The following ITFG1 variants were observed in gnomAD, a reference collection of about 807,000 sequenced individuals.
The protein encoded by ITFG1 is integrin alpha FG-GAP repeat containing 1, also known as T-cell immunomodulatory protein.
A neutral mutation model predicts 81.8 loss-of-function variants in ITFG1; 34 were observed. That is an observed-to-expected ratio of 0.42 (90% confidence interval 0.32 to 0.55). The LOEUF (loss-of-function observed/expected upper bound fraction) is 0.55. Ranked by LOEUF, ITFG1 falls within the 20% of genes least tolerant of loss-of-function variation. The pLI, the probability that ITFG1 is intolerant of heterozygous loss-of-function variation, is 0.17. For synonymous variants in ITFG1, 285 were observed against 270.6 expected, an observed-to-expected ratio of 1.05 and a Z score of -0.52; for missense variants, 672 against 755.4, an observed-to-expected ratio of 0.89 and a Z score of 1.29.
chr16:47,351,368 G>A (rs545227026), intron 8 of ITFG1, among the ~76,000 whole-genome samples: 1 of 152,266 alleles, frequency 6.6e-6, no homozygotes, highest in Non-Finnish European at 1.5e-5. Flanking sequence ...CAAAGTCTCA[G>A]GATAGAAAAT....
Position 47,218,927 on chromosome 16 carries a change from G to T in ITFG1, c.1394C>A (p.Pro465His). The change falls in exon 14 of 18, where the codon CCT (proline) becomes CAT (histidine). Residue 465 changes from proline (P) to histidine (H), a missense_variant. By Grantham distance (77) the Pro-to-His change is moderately conservative (BLOSUM62 -2). Around this residue, in one of 3 missense-constraint regions of ITFG1, gnomAD observed 560 missense variants for 625.7 expected, o/e 0.90. Transcript: ENST00000320640. Reference protein sequence around the residue: ...RKITPFGVNQPGPYIMYTTVD... With the variant: ...RKITPFGVNQHGPYIMYTTVD... ...AGTTGTATACATGATATAAGGTCCA[G>T]GTTGATTCACTCCAAAGGGCTGCAA... 1 of 1,598,664 alleles carries T rather than the reference G, an allele frequency of 6.3e-7. No homozygotes were observed. The highest frequency in any genetic ancestry group is 8.5e-7 in the Non-Finnish European group (1 of 1,172,452).
intron 14 of ITFG1, among the ~76,000 whole-genome samples, chr16:47,178,583 G>C (rs1965058757): frequency 6.6e-6 from 1 of 152,144 alleles, no homozygotes; most frequent in African/African-American, 2.4e-5. Flanking sequence ...ATTCAAGATG[G>C]ATTAAAGACT....
intron 8 of ITFG1, among the ~76,000 whole-genome samples, chr16:47,334,898 T>G (rs1967682437): frequency 6.6e-6 from 1 of 152,186 alleles, no homozygotes; most frequent in Non-Finnish European, 1.5e-5. Flanking sequence ...CTCACAGACT[T>G]ACAGAGCTAA....
At chr16:47,236,157 C>T (rs1965871153) in intron 13 of ITFG1, among the ~76,000 whole-genome samples, 1 of 152,234 alleles carries the variant, frequency 6.6e-6, no homozygotes, top group Admixed American at 6.5e-5. Flanking sequence ...GATAAGGAGA[C>T]AGGAAGCCTT....
At chr16:47,179,213 C>T (rs1007418919) in intron 14 of ITFG1, among the ~76,000 whole-genome samples, 2 of 151,788 alleles carry the variant, frequency 1.3e-5, no homozygotes, top group African/African-American at 4.8e-5. Flanking sequence ...TTGACCCAGC[C>T]ATCCCATTAC....
chr16:47,433,672 C>T (rs901091738), intron 5 of ITFG1, among the ~76,000 whole-genome samples: 26 of 150,928 alleles, frequency 1.7e-4, no homozygotes, highest in African/African-American at 4.9e-4. Flanking sequence ...TTATTTTATA[C>T]GGTGTCTATT....
upstream of ITFG1, chr16:47,461,223 A>AG: frequency 1.0e-6 from 1 of 970,050 alleles, no homozygotes; most frequent in South Asian, 1.6e-5. Context: ...CAGTGGAGCT[A>AG]GGGTGAAAGC....
At chr16:47,356,838 T>C (rs1406622440) in intron 8 of ITFG1, among the ~76,000 whole-genome samples, 4 of 152,124 alleles carry the variant, frequency 2.6e-5, no homozygotes, top group African/African-American at 7.2e-5. Context: ...TAGGGCAGGA[T>C]ATTTTCTGCC....
intron 10 of ITFG1, among the ~76,000 whole-genome samples, chr16:47,267,732 A>G (rs1254644913): frequency 2.6e-5 from 4 of 152,172 alleles, no homozygotes; most frequent in African/African-American, 9.6e-5. Flanking sequence ...ATGGAATTAA[A>G]TGGGAAAGCA....
intron 6 of ITFG1, among the ~76,000 whole-genome samples, chr16:47,426,587 C>T (rs918867974): frequency 1.3e-5 from 2 of 150,472 alleles, no homozygotes; most frequent in African/African-American, 4.9e-5. Context: ...CTCCTCCCCA[C>T]CAAAACATAC....
At chr16:47,217,136 CA>C (rs766570869) in intron 14 of ITFG1, among the ~76,000 whole-genome samples, 21 of 80,642 alleles carry the variant, frequency 2.6e-4, no homozygotes, top group Non-Finnish European at 4.1e-4. Context: ...CACAATGTAT[CA>C]TTATATGAAA....
chr16:47,232,509 G>A (rs1965825994), intron 13 of ITFG1, among the ~76,000 whole-genome samples: 1 of 152,062 alleles, frequency 6.6e-6, no homozygotes, highest in South Asian at 2.1e-4. Flanking sequence ...TAGAGATGAT[G>A]GATTAGCCTT....
chr16:47,157,037 T>C (rs1567408781), intron 17 of ITFG1, among the ~76,000 whole-genome samples: 4 of 151,948 alleles, frequency 2.6e-5, no homozygotes. Flanking sequence ...GGCAGTGCAG[T>C]AGGAATGTAG....
chr16:47,283,732 T>A (rs1403564364), intron 10 of ITFG1, among the ~76,000 whole-genome samples: 3 of 152,218 alleles, frequency 2.0e-5, no homozygotes, highest in African/African-American at 7.2e-5. Context: ...ATATAATAAA[T>A]CTGTGTTTTC....
Position 47,311,323 on chromosome 16 carries a change from T to G in ITFG1, c.987A>C (p.Pro329=). 6.2e-7 allele frequency: 1 copy of G among 1,613,334 alleles called. No homozygotes were observed. ...CTCCAATATGAAGGGTAATTGGAAT[T>G]GGTATTTCAGTTGGTTGCTGTTCAT... ...FVDEQQPTEI[P]IPITLHIGDY... Residue 329 remains proline (P), a synonymous_variant, in exon 10 of 18, where the codon CCA becomes CCC. Coordinates refer to ENST00000320640, the MANE Select transcript of ITFG1 (RefSeq NM_030790.5).
At chr16:47,376,951 G>T (rs554472011) in intron 6 of ITFG1, among the ~76,000 whole-genome samples, 1 of 102,414 alleles carries the variant, frequency 9.8e-6, no homozygotes, top group African/African-American at 4.5e-5. Context: ...GACAGAGGGA[G>T]ACTCTGTCTC....
At chr16:47,441,117 A>T (rs1388883894) in intron 5 of ITFG1, among the ~76,000 whole-genome samples, 1 of 152,234 alleles carries the variant, frequency 6.6e-6, no homozygotes, top group Non-Finnish European at 1.5e-5. Flanking sequence ...CACCCTCCCA[A>T]GACTAAACCA....
chr16:47,388,189 C>CA (rs1968486243), intron 6 of ITFG1, among the ~76,000 whole-genome samples: 3 of 151,946 alleles, frequency 2.0e-5, no homozygotes, highest in African/African-American at 7.2e-5. Context: ...AAAAGAATCT[C>CA]AAAGAAATGT....
chr16:47,425,245 T>C (rs7200041), intron 6 of ITFG1, among the ~76,000 whole-genome samples: 17,957 of 152,232 alleles, frequency 0.12, 2,330 homozygotes, highest in African/African-American at 0.32. Context: ...GTGGGACCCG[T>C]GGAGCCAGGC....
Sources: gnomAD v4.1 joint callset for allele counts (sites outside exome capture counted in the v4.1 genomes callset) on GRCh38, gnomAD v4.1.1 for gene constraint, gnomAD v4.1.1 regional missense constraint, MANE v1.5 for transcripts, NCBI Gene and HGNC (gene_info 2026-07-23, HGNC 2026-07-21) for gene names.